CTBP2: variants seen among roughly 807,000 people sequenced by gnomAD.
CTBP2 encodes C-terminal-binding protein 2.
Under a neutral mutation model 80.3 loss-of-function variants are expected in CTBP2, and 30 were observed. The observed-to-expected ratio is 0.37, with a 90% CI of 0.28 to 0.51. CTBP2 has a LOEUF of 0.51. CTBP2 is among the 20% of genes least tolerant of loss of function. The pLI, the probability that CTBP2 is intolerant of heterozygous loss-of-function variation, is 0.93. For synonymous variants in CTBP2, 594 were observed against 587.4 expected (o/e 1.01, Z -0.16); for missense variants, 1,212 against 1,375.3 (o/e 0.88, Z 1.88).
intron 2 of CTBP2, among the ~76,000 whole-genome samples, chr10:125,093,963 G>T (rs1849167932): frequency 6.6e-6 from 1 of 152,188 alleles, no homozygotes; most frequent in African/African-American, 2.4e-5. Flanking sequence ...ACCATCCAGT[G>T]GGAGGCGAGA....
intron 1 of CTBP2, among the ~76,000 whole-genome samples, chr10:125,005,096 G>A (rs572193875): frequency 6.6e-6 from 1 of 152,346 alleles, no homozygotes; most frequent in Non-Finnish European, 1.5e-5. Context: ...ACTGCATCCT[G>A]TTAAGACTAT....
intron 2 of CTBP2, 29 bp downstream of exon 4, chr10:125,003,309 C>T (rs1233597495): frequency 6.2e-7 from 1 of 1,603,826 alleles, no homozygotes; most frequent in Admixed American, 1.8e-5. Flanking sequence ...AAGGTCAGTG[C>T]AGGCCCCGGC....
intron 8 of CTBP2, among the ~76,000 whole-genome samples, chr10:124,992,227 T>TC (rs1952755643): frequency 6.9e-6 from 1 of 144,820 alleles, no homozygotes. Context: ...TTTTTTTTTT[T>TC]TGGTGGTGGG....
chr10:125,133,698 A>G (rs1028190028), intron 1 of CTBP2: 10 of 152,262 alleles, frequency 6.6e-5, no homozygotes, highest in Admixed American at 3.3e-4. Flanking sequence ...TAAAGAGGCT[A>G]GTCTAGTCTT....
intron 3 of CTBP2, chr10:124,998,933 C>A (rs1954039875): frequency 6.6e-6 from 1 of 152,640 alleles, no homozygotes; most frequent in Non-Finnish European, 1.5e-5. Flanking sequence ...GCAGCTGTGG[C>A]ATGGAGAGTT....
intron 2 of CTBP2, among the ~76,000 whole-genome samples, chr10:125,094,324 C>T (rs1024605331): frequency 6.6e-6 from 1 of 152,146 alleles, no homozygotes; most frequent in Admixed American, 6.5e-5. Flanking sequence ...TCATGAACAC[C>T]CATGTGAGCA....
chr10:124,991,241 A>G (rs1406139526), intron 8 of CTBP2, among the ~76,000 whole-genome samples: 1 of 152,164 alleles, frequency 6.6e-6, no homozygotes, highest in Non-Finnish European at 1.5e-5. Context: ...GCATCTCACT[A>G]TGGTAGCCAC....
At chr10:124,991,354 C>T (rs113792183) in intron 8 of CTBP2, among the ~76,000 whole-genome samples, 3 of 152,142 alleles carry the variant, frequency 2.0e-5, no homozygotes, top group Non-Finnish European at 4.4e-5. Flanking sequence ...TCTAGGGGGC[C>T]TAAGAGCCCC....
intron 1 of CTBP2, among the ~76,000 whole-genome samples, chr10:125,015,135 G>A (rs1325660557): frequency 6.6e-6 from 1 of 152,198 alleles, no homozygotes; most frequent in African/African-American, 2.4e-5. Context: ...CGCAGTAATG[G>A]GGAAACCTGC....
At chr10:125,110,765 T>C (rs1590843373) in intron 2 of CTBP2, among the ~76,000 whole-genome samples, 1 of 152,222 alleles carries the variant, frequency 6.6e-6, no homozygotes. Context: ...CACTTTACAC[T>C]GAACTATATT....
At chr10:125,041,987 AG>A (rs575687710) in intron 2 of CTBP2, among the ~76,000 whole-genome samples, 1 of 114,450 alleles carries the variant, frequency 8.7e-6, no homozygotes, top group African/African-American at 3.2e-5. Flanking sequence ...GGGGTGGGGG[AG>A]GGGGGTCACT....
At chr10:125,102,424 T>C (rs948153926) in intron 2 of CTBP2, among the ~76,000 whole-genome samples, 1 of 152,240 alleles carries the variant, frequency 6.6e-6, no homozygotes, top group African/African-American at 2.4e-5. Flanking sequence ...CATCAAACTC[T>C]GCATCAATCT....
At chr10:125,135,146 G>A (rs190820425) in intron 1 of CTBP2, among the ~76,000 whole-genome samples, 3 of 152,066 alleles carry the variant, frequency 2.0e-5, no homozygotes, top group African/African-American at 2.4e-5. Flanking sequence ...CCTGCACCCT[G>A]GGAGGAAACC....
chr10:125,142,481 G>A (rs1409553263), intron 1 of CTBP2, among the ~76,000 whole-genome samples: 2 of 152,160 alleles, frequency 1.3e-5, no homozygotes, highest in Admixed American at 1.3e-4. Context: ...TGGGAGTCAG[G>A]GCGGGGAGGC....
At chr10:125,082,884 C>T (rs184799674) in intron 2 of CTBP2, among the ~76,000 whole-genome samples, 5 of 152,316 alleles carry the variant, frequency 3.3e-5, no homozygotes, top group Admixed American at 6.5e-5. Context: ...CCCCTGCACC[C>T]AGCCTTTCTG....
At chr10:125,152,638 G>C (rs1252752434) in intron 1 of CTBP2, among the ~76,000 whole-genome samples, 2 of 152,086 alleles carry the variant, frequency 1.3e-5, no homozygotes, top group Admixed American at 1.3e-4. Flanking sequence ...GATTTTACTT[G>C]TAGGCACTTA....
intron 2 of CTBP2, among the ~76,000 whole-genome samples, chr10:125,052,344 T>G (rs1962981052): frequency 6.6e-6 from 1 of 152,132 alleles, no homozygotes; most frequent in Non-Finnish European, 1.5e-5. Flanking sequence ...CCAGCAGTGG[T>G]CAGAGGGGCT....
At chr10:125,141,325 C>G (rs542942247) in intron 1 of CTBP2, among the ~76,000 whole-genome samples, 2 of 152,172 alleles carry the variant, frequency 1.3e-5, no homozygotes, top group South Asian at 2.1e-4. Context: ...GACTAGCGTC[C>G]TATTTGACGC....
chr10:125,015,921 G>A (rs1956433074), intron 1 of CTBP2, among the ~76,000 whole-genome samples: 1 of 152,234 alleles, frequency 6.6e-6, no homozygotes, highest in Non-Finnish European at 1.5e-5. Flanking sequence ...GGGGCTGGGT[G>A]AGATTCTGCA....
Sources: allele counts gnomAD v4.1 joint callset (sites outside exome capture counted in the v4.1 genomes callset), GRCh38; gene constraint gnomAD v4.1.1; transcripts MANE v1.5; gene names NCBI Gene and HGNC (gene_info 2026-07-23, HGNC 2026-07-21).